The following CEACAM19 variants were observed in gnomAD, a reference collection of about 807,000 sequenced individuals.
CEACAM19 encodes the protein CEA cell adhesion molecule 19.
In CEACAM19, 37 loss-of-function variants were observed where a neutral mutation model predicts 37.6. The observed-to-expected ratio is 0.98, with a 90% CI of 0.76 to 1.29. CEACAM19 has a LOEUF of 1.29. Among genes scored for constraint, CEACAM19 ranks in the 50% most tolerant of loss-of-function variants. The pLI, the probability that CEACAM19 is intolerant of heterozygous loss-of-function variation, is 0.00. For synonymous variants in CEACAM19, 140 were observed against 149.8 expected, an observed-to-expected ratio of 0.93 and a Z score of 0.48; for missense variants, 340 against 375.6, an observed-to-expected ratio of 0.91 and a Z score of 0.78.
At position 44,682,782 on chromosome 19, in the gene CEACAM19, C is replaced by G. The variant is rs1031621005; in HGVS notation, c.846+162C>G. On this transcript the variant is annotated intron_variant, in intron 7 of 7. Transcript: ENST00000358777. ...TCTCGAAGAAGCCCAAACCGCCTCCCTGAGAGACCCTGGCAAGTCCCTTTT... is the reference window on the plus strand; with the variant it reads ...TCTCGAAGAAGCCCAAACCGCCTCCGTGAGAGACCCTGGCAAGTCCCTTTT... The G allele has an allele frequency of 4.9e-6, 3 of 611,730 alleles. No homozygotes were observed. The Admixed American group carries it at 1.0e-4, about 21-fold the overall frequency. 37.9% of individuals were successfully genotyped at this position (611,730 alleles called of 1,614,324 possible). A position where few individuals can be genotyped will look rare whatever the true frequency, so the allele number is the denominator to read the frequency against.
In CEACAM19 at chr19:44,671,662, G is replaced by A. The variant is rs1973856712; in HGVS notation, c.-270G>A. 1 of 471,204 alleles carries A rather than the reference G, an allele frequency of 2.1e-6. No individual in the cohort carries two copies. The highest frequency in any genetic ancestry group is 5.3e-5 in the South Asian group (1 of 18,780). The allele number at this position is 471,204 out of a possible 1,614,324, so 29.2% of individuals were successfully genotyped here. On this transcript the variant is annotated 5_prime_UTR_variant, in exon 1 of 8. Transcript: ENST00000358777. Reference sequence around the variant, plus strand: ...TCACGCTGAGTGAGAAAAAGAGGTTGAAGAGGGTCAGGGGAGGAGTCCTGG... The same window carrying A: ...TCACGCTGAGTGAGAAAAAGAGGTTAAAGAGGGTCAGGGGAGGAGTCCTGG...
chr19:44,670,185 T>C (rs1973830617), upstream of CEACAM19, among the ~76,000 whole-genome samples: 5 of 151,992 alleles, frequency 3.3e-5, no homozygotes, highest in South Asian at 1.0e-3. Flanking sequence ...TGACCAGGGA[T>C]GGTAGCACAC....
At chr19:44,667,156 G>A (rs1398707267), upstream of CEACAM19, 2 of 151,712 alleles carry the variant, frequency 1.3e-5, no homozygotes, top group African/African-American at 2.4e-5. Flanking sequence ...GCCTCAACCT[G>A]GGGCCTCTAG....
rs745314896 is a variant in CEACAM19 at position 44,680,386 on chromosome 19, T to C, written c.706+52T>C. 6.0e-6 allele frequency: 9 copies of C among 1,499,584 alleles called. No individual in the cohort carries two copies. In the African/African-American group the frequency reaches 1.2e-4, roughly 21 times the overall value. 92.9% of individuals were successfully genotyped at this position (1,499,584 alleles called of 1,614,324 possible). A position where few individuals can be genotyped will look rare whatever the true frequency, so the allele number is the denominator to read the frequency against. On this transcript the variant is annotated intron_variant, in intron 5 of 7. Coordinates refer to ENST00000358777, the MANE Select transcript of CEACAM19 (RefSeq NM_001127893.3). ...ACCTAGCCCTCCTCTCAGCTCCTCC[T>C]TTCTCCCCTATAGCCACAAGCCCGC... is the stretch of plus-strand genomic sequence containing the variant.
At position 44,682,550 on chromosome 19, in the gene CEACAM19, G is replaced by T; in HGVS notation, c.793-17G>T. The T allele has an allele frequency of 1.3e-6, 2 of 1,591,104 alleles. No individual in the cohort carries two copies. The highest frequency in any genetic ancestry group is 1.1e-5 in the South Asian group (1 of 87,474). On this transcript the variant is annotated splice_polypyrimidine_tract_variant and intron_variant, in intron 6 of 7. Transcript: ENST00000358777. The stretch of plus-strand genomic sequence containing the variant: ...GGGGGTGCCGAGCGCCCACTCACCC[G>T]TGTCCTTCCCTTGCAGCCCCTGCCC...
In CEACAM19 at chr19:44,671,946, G is replaced by T; in HGVS notation, c.15G>T (p.Met5Ile). Residue 5 changes from methionine (M) to isoleucine (I), a missense_variant, in exon 1 of 8, where the codon ATG becomes ATT. Met to Ile is a conservative substitution (Grantham distance 10). Transcript: ENST00000358777. ...AAGACGCCAAGATGGAGATTCCCATGGGGACCCAGGGCTGCTTCTCAAAGA... is the reference window on the plus strand; with the variant it reads ...AAGACGCCAAGATGGAGATTCCCATTGGGACCCAGGGCTGCTTCTCAAAGA... MEIP[M>I]GTQGCFSKSL... 1 of 1,606,288 alleles carries T rather than the reference G, an allele frequency of 6.2e-7. No homozygotes were observed. The highest frequency in any genetic ancestry group is 8.5e-7 in the Non-Finnish European group (1 of 1,176,658).
intron 3 of CEACAM19, among the ~76,000 whole-genome samples, chr19:44,676,767 G>A (rs986265858): frequency 5.3e-5 from 8 of 152,064 alleles, no homozygotes; most frequent in Non-Finnish European, 1.2e-4. Context: ...GAGACTACAG[G>A]TGTGCACCAC....
rs1038641451 is a variant in CEACAM19 at position 44,680,411 on chromosome 19, C to T, written c.706+77C>T. 3.0e-6 allele frequency: 4 copies of T among 1,325,212 alleles called. No individual in the cohort carries two copies. The African/African-American group carries it at 5.8e-5, about 19-fold the overall frequency. 82.1% of individuals were successfully genotyped at this position (1,325,212 alleles called of 1,614,324 possible). ...TTTCTCCCCTATAGCCACAAGCCCG[C>T]TTATTCTCCCTCACTCAGAGACCTC... On this transcript the variant is annotated intron_variant, in intron 5 of 7. Coordinates refer to ENST00000358777, the MANE Select transcript of CEACAM19 (RefSeq NM_001127893.3).
upstream of CEACAM19, among the ~76,000 whole-genome samples, chr19:44,667,979 TATAA>T (rs1973765440): frequency 1.8e-5 from 1 of 55,300 alleles, no homozygotes; most frequent in South Asian, 7.8e-4. Context: ...TATACTATAT[TATAA>T]ATATAGTATA....
rs751347488 is a variant in CEACAM19 at position 44,672,563 on chromosome 19, CT to C, written c.56-32del. The C allele has an allele frequency of 4.1e-6, 6 of 1,455,584 alleles. No homozygotes were observed. The African/African-American group carries it at 4.3e-5, about 10-fold the overall frequency. The allele number at this position is 1,455,584 out of a possible 1,614,324, so 90.2% of individuals were successfully genotyped here. A position where few individuals can be genotyped will look rare whatever the true frequency, so the allele number is the denominator to read the frequency against. ...CATGCCATGGTCCCTGGCAACACCC[CT>C]GATCTCAGCCCTTCCCTGTAACTTC... On this transcript the variant is annotated intron_variant, in intron 1 of 7. Coordinates refer to ENST00000358777, the MANE Select transcript of CEACAM19 (RefSeq NM_001127893.3).
chr19:44,668,818 AT>A (rs1267092719), upstream of CEACAM19, among the ~76,000 whole-genome samples: 3 of 120,240 alleles, frequency 2.5e-5, no homozygotes, highest in Non-Finnish European at 4.9e-5. Flanking sequence ...TAATATATAT[AT>A]ATTCAGTTTT....
At chr19:44,669,310 G>A (rs1208316051), upstream of CEACAM19, among the ~76,000 whole-genome samples, 3 of 152,024 alleles carry the variant, frequency 2.0e-5, no homozygotes, top group Admixed American at 1.3e-4. Flanking sequence ...TTTGTGTAAA[G>A]TTGGGGTCCT....
intron 3 of CEACAM19, chr19:44,678,075 C>G (rs1488543228): frequency 6.6e-6 from 1 of 152,230 alleles, no homozygotes; most frequent in East Asian, 1.9e-4. Context: ...GACTCCTGGG[C>G]TCAAGTGATC....
rs749779098 is a variant in CEACAM19, at chr19:44,681,351, T to C, written c.792+39T>C. ...CCAGCCTCTCCCCTGAAGCCAATGC[T>C]AACAGGCGCCTCCTCTCTGAGCTGG... On this transcript the variant is annotated intron_variant, in intron 6 of 7. Transcript: ENST00000358777. 6 of 1,413,086 alleles carry C rather than the reference T, an allele frequency of 4.2e-6. No homozygotes were observed. The South Asian group carries it at 7.0e-5, about 17-fold the overall frequency. 87.5% of individuals were successfully genotyped at this position (1,413,086 alleles called of 1,614,324 possible).
intron 2 of CEACAM19, among the ~76,000 whole-genome samples, chr19:44,673,201 CATTT>C (rs1394835704): frequency 2.0e-5 from 3 of 152,234 alleles, no homozygotes; most frequent in Non-Finnish European, 4.4e-5. Flanking sequence ...TGCACCATCT[CATTT>C]ACCTTTCACA....
At position 44,671,868 on chromosome 19, in the gene CEACAM19, C is replaced by A. The variant is rs1368740324; in HGVS notation, c.-64C>A. On this transcript the variant is annotated 5_prime_UTR_variant, in exon 1 of 8. Transcript: ENST00000358777. ...GCTGGCCTACTTCAGACAGCCAGGG[C>A]CCACCCCTCTGGCCCCCTTAGTGTC... 8.3e-6 allele frequency: 12 copies of A among 1,449,950 alleles called. No homozygotes were observed. In the Admixed American group the frequency reaches 1.9e-4, roughly 23 times the overall value. 89.8% of individuals were successfully genotyped at this position (1,449,950 alleles called of 1,614,324 possible).
chr19:44,679,434 G>A lies in CEACAM19; in HGVS notation c.659+498G>A, dbSNP rs143117412. Among the ~76,000 whole-genome samples, 10 of 152,238 alleles carry A rather than the reference G, an allele frequency of 6.6e-5. 1 individual carries two copies. In the East Asian group the frequency reaches 1.5e-3, roughly 24 times the overall value. ...AACCTGATGAACATGGTGAAACCCT[G>A]TCTCTACTAATAATACAAAATTAGC... On this transcript the variant is annotated intron_variant, in intron 4 of 7. Coordinates refer to ENST00000358777, the MANE Select transcript of CEACAM19 (RefSeq NM_001127893.3).
chr19:44,668,146 ATATATT>A (rs1973773393), upstream of CEACAM19, among the ~76,000 whole-genome samples: 1 of 85,160 alleles, frequency 1.2e-5, no homozygotes, highest in African/African-American at 4.7e-5. Context: ...AATATATTAT[ATATATT>A]TATATGCTAT....
intron 4 of CEACAM19, among the ~76,000 whole-genome samples, chr19:44,679,937 T>TA (rs1974024961): frequency 6.6e-6 from 1 of 151,412 alleles, no homozygotes; most frequent in Non-Finnish European, 1.5e-5. Flanking sequence ...CTCAAAAAAT[T>TA]AAAAAATAAA....
Sources: gnomAD v4.1 joint callset for allele counts (sites outside exome capture counted in the v4.1 genomes callset) on GRCh38, gnomAD v4.1.1 for gene constraint, MANE v1.5 for transcripts, NCBI Gene and HGNC (gene_info 2026-07-23, HGNC 2026-07-21) for gene names.